ASB2: variants seen among roughly 807,000 people sequenced by gnomAD.
ASB2 encodes ankyrin repeat and SOCS box protein 2.
A neutral mutation model predicts 62.4 loss-of-function variants in ASB2; 58 were observed. The observed-to-expected ratio is 0.93, with a 90% confidence interval of 0.75 to 1.16. ASB2 has a LOEUF of 1.16. Among genes scored for constraint, ASB2 ranks in the 50% most tolerant of loss-of-function variants. The pLI, the probability that ASB2 is intolerant of heterozygous loss-of-function variation, is 0.00. For missense variants in ASB2, 928 were observed against 887.9 expected (o/e 1.05, Z -0.57); for synonymous variants, 386 against 385.3 (o/e 1.00, Z -0.02).
At chr14:93,954,842 GC>G (rs1480876453) in intron 3 of ASB2, among the ~76,000 whole-genome samples, 1 of 152,098 alleles carries the variant, frequency 6.6e-6, no homozygotes, top group South Asian at 2.1e-4. Flanking sequence ...CATCTCGGGG[GC>G]CCCCTCTTAA....
chr14:93,947,608 T>C (rs999491044), intron 6 of ASB2, 88 bp from the exon 7 acceptor site: 16 of 1,379,748 alleles, frequency 1.2e-5, no homozygotes, highest in Non-Finnish European at 1.6e-5. Flanking sequence ...GGGCCTGCTG[T>C]GCTAACCACG....
chr14:93,972,589 C>A (rs923178340), intron 1 of ASB2, among the ~76,000 whole-genome samples: 4 of 152,182 alleles, frequency 2.6e-5, no homozygotes, highest in African/African-American at 9.7e-5. Flanking sequence ...CAGCCTGCGC[C>A]GTCTTCATCA....
At chr14:93,953,325 A>C in intron 5 of ASB2, 27 bp downstream of exon 5, 2 of 1,520,646 alleles carry the variant, frequency 1.3e-6, no homozygotes, top group South Asian at 1.2e-5. Flanking sequence ...TTCCGCAGGA[A>C]AGCTCACTCC....
Position 93,951,333 on chromosome 14 carries a change from A to G in ASB2, c.635-89T>C. ...CATTCATTCGCCTGTCCATTCACTCATCCACTCATTCAGCTTTCCACTGCA... is the reference window on the plus strand; with the variant it reads ...CATTCATTCGCCTGTCCATTCACTCGTCCACTCATTCAGCTTTCCACTGCA... On this transcript the variant is annotated intron_variant, in intron 5 of 9. Transcript: ENST00000555019. The G allele has an allele frequency of 4.2e-6, 6 of 1,432,910 alleles. No individual in the cohort carries two copies. The East Asian group carries it at 6.9e-5, about 17-fold the overall frequency. 88.8% of individuals were successfully genotyped at this position (1,432,910 alleles called of 1,614,324 possible). A position where few individuals can be genotyped will look rare whatever the true frequency, so the allele number is the denominator to read the frequency against.
At chr14:93,934,837 T>G in intron 9 of ASB2, 45 bp from the exon 10 acceptor site, 3 of 1,553,210 alleles carry the variant, frequency 1.9e-6, no homozygotes, top group Non-Finnish European at 1.8e-6. Flanking sequence ...TCATTTGCAA[T>G]AAGCAAAGGG....
chr14:93,971,922 T>C (rs1038088362), intron 1 of ASB2, among the ~76,000 whole-genome samples: 15 of 151,454 alleles, frequency 9.9e-5, no homozygotes, highest in African/African-American at 3.2e-4. Flanking sequence ...GTATGTGTGT[T>C]CATATTCAAA....
In ASB2 at chr14:93,939,366, G is replaced by C. The variant is rs1315617609; in HGVS notation, c.1359C>G (p.Cys453Trp). The change falls in exon 8 of 10, where the codon TGC becomes TGG. Residue 453 changes from cysteine (C) to tryptophan (W), a missense_variant. Transcript: ENST00000555019. Reference protein sequence around the residue: ...SPLLVAIRHGCLRTMQLLLDH... With the variant: ...SPLLVAIRHGWLRTMQLLLDH... ...CCAGCAGCAGCTGCATTGTGCGCAGGCAGCCGTGGCGGATGGCCACGAGCA... is the reference window on the plus strand; with the variant it reads ...CCAGCAGCAGCTGCATTGTGCGCAGCCAGCCGTGGCGGATGGCCACGAGCA... 5 of 1,612,688 alleles carry C rather than the reference G, an allele frequency of 3.1e-6. No individual in the cohort carries two copies. In the African/African-American group the frequency reaches 4.0e-5, roughly 13 times the overall value.
chr14:93,943,738 G>A (rs1242360423), intron 7 of ASB2: 2 of 327,780 alleles, frequency 6.1e-6, no homozygotes, highest in African/African-American at 4.4e-5. Flanking sequence ...GAGCTTCACT[G>A]TGCCACCCTG....
chr14:93,974,628 G>C (rs1889857830), intron 1 of ASB2, among the ~76,000 whole-genome samples: 1 of 152,246 alleles, frequency 6.6e-6, no homozygotes, highest in Admixed American at 6.5e-5. Flanking sequence ...GAGGCCACAG[G>C]ACGCTGTGGC....
At chr14:93,956,459 G>A (rs563033844) in intron 3 of ASB2, among the ~76,000 whole-genome samples, 1 of 152,296 alleles carries the variant, frequency 6.6e-6, no homozygotes, top group South Asian at 2.1e-4. Flanking sequence ...CTCGTGCTGG[G>A]TCCCCAGTTT....
chr14:93,935,723 G>A (rs1301630128), intron 9 of ASB2, among the ~76,000 whole-genome samples: 1 of 152,210 alleles, frequency 6.6e-6, no homozygotes, highest in Non-Finnish European at 1.5e-5. Context: ...CCAGGCGGCT[G>A]CAGCGTTGCC....
At chr14:93,955,503 C>G (rs920107546) in intron 3 of ASB2, 2 of 193,452 alleles carry the variant, frequency 1.0e-5, no homozygotes, top group South Asian at 2.0e-4. Flanking sequence ...CCAGAGCAGC[C>G]CCTGTCAGCA....
intron 9 of ASB2, among the ~76,000 whole-genome samples, chr14:93,937,180 T>C (rs1888300835): frequency 6.6e-6 from 1 of 152,166 alleles, no homozygotes; most frequent in Non-Finnish European, 1.5e-5. Flanking sequence ...CACCAGGGTG[T>C]TCTGTGCACC....
intron 2 of ASB2, among the ~76,000 whole-genome samples, chr14:93,957,605 G>A (rs545998665): frequency 4.6e-5 from 7 of 152,156 alleles, no homozygotes; most frequent in Non-Finnish European, 8.8e-5. Flanking sequence ...CTCGAGGGCC[G>A]GTGAGGCCTG....
chr14:93,945,872 G>A (rs537713491), intron 7 of ASB2, among the ~76,000 whole-genome samples: 3 of 152,242 alleles, frequency 2.0e-5, no homozygotes, highest in Non-Finnish European at 2.9e-5. Flanking sequence ...CCCAATACAC[G>A]CAGTCTGTGC....
At chr14:93,960,167 A>C (rs960274714) in intron 2 of ASB2, among the ~76,000 whole-genome samples, 2 of 152,240 alleles carry the variant, frequency 1.3e-5, no homozygotes, top group African/African-American at 4.8e-5. Context: ...TGAGGCTCAA[A>C]GAGGCTTGCT....
At chr14:93,947,288 C>A (rs1427500159) in intron 7 of ASB2, 61 bp downstream of exon 7, 2 of 1,580,058 alleles carry the variant, frequency 1.3e-6, no homozygotes, top group Admixed American at 3.4e-5. Flanking sequence ...CCCCTCCAAT[C>A]CCCTACTCCC....
chr14:93,954,548 C>T (rs973814154), intron 3 of ASB2, 65 bp from the exon 4 acceptor site: 11 of 1,473,438 alleles, frequency 7.5e-6, no homozygotes, highest in Non-Finnish European at 1.0e-5. Flanking sequence ...GGGCCTCTCT[C>T]TCAGGAGTGC....
At chr14:93,948,142 A>G (rs1161412015) in intron 6 of ASB2, 1 of 154,450 alleles carries the variant, frequency 6.5e-6, no homozygotes, top group Non-Finnish European at 1.5e-5. Context: ...CTATATCTGA[A>G]TCCACAGTGG....
Sources: gnomAD v4.1 joint callset for allele counts (sites outside exome capture counted in the v4.1 genomes callset) on GRCh38, gnomAD v4.1.1 for gene constraint, MANE v1.5 for transcripts, NCBI Gene and HGNC (gene_info 2026-07-23, HGNC 2026-07-21) for gene names.